The following GRXCR1 variants were observed in gnomAD, a reference collection of about 807,000 sequenced individuals.
GRXCR1 encodes the protein glutaredoxin and cysteine rich domain containing 1, also known as glutaredoxin domain-containing cysteine-rich protein 1.
Under a neutral mutation model 27.3 loss-of-function variants are expected in GRXCR1, and 27 were observed. The ratio of observed to expected loss-of-function variants is 0.99; its 90% CI spans 0.73 to 1.37. The LOEUF is 1.37. Among genes scored for constraint, GRXCR1 ranks in the 40% most tolerant of loss-of-function variants. GRXCR1 has a pLI of 0.00. For synonymous variants in GRXCR1, 122 were observed against 131.1 expected (o/e 0.93, Z 0.47); for missense variants, 379 against 354.4 (o/e 1.07, Z -0.56).
intron 2 of GRXCR1, among the ~76,000 whole-genome samples, chr4:42,985,885 C>A (rs184146965): frequency 4.6e-5 from 7 of 152,174 alleles, no homozygotes; most frequent in African/African-American, 1.7e-4. Context: ...TATAGCTTGA[C>A]TTGAAAAAAA....
chr4:43,015,933 T>C (rs1295110988), intron 2 of GRXCR1, among the ~76,000 whole-genome samples: 1 of 152,142 alleles, frequency 6.6e-6, no homozygotes, highest in East Asian at 1.9e-4. Flanking sequence ...TGATGTCCCA[T>C]GTGGAATTCC....
At chr4:42,917,614 C>A (rs1192813729) in intron 1 of GRXCR1, among the ~76,000 whole-genome samples, 1 of 152,010 alleles carries the variant, frequency 6.6e-6, no homozygotes, top group Non-Finnish European at 1.5e-5. Context: ...GGTGGCCAGT[C>A]AGGATGGAGG....
At chr4:43,021,404 T>TTTA (rs1577948665) in intron 3 of GRXCR1, among the ~76,000 whole-genome samples, 1 of 152,190 alleles carries the variant, frequency 6.6e-6, no homozygotes, top group East Asian at 1.9e-4. Flanking sequence ...TAAAAGTCTT[T>TTTA]TTTGTATTAC....
intron 2 of GRXCR1, among the ~76,000 whole-genome samples, chr4:42,995,920 G>A (rs115047648): frequency 1.1e-3 from 173 of 152,250 alleles, no homozygotes; most frequent in Non-Finnish European, 2.0e-3. Context: ...ACTTGCTCAG[G>A]ACTGATGTCA....
chr4:42,903,340 C>T (rs1166515458), intron 1 of GRXCR1, among the ~76,000 whole-genome samples: 7 of 90,588 alleles, frequency 7.7e-5, no homozygotes, highest in Middle Eastern at 0.013. Flanking sequence ...TTTTTTTAGA[C>T]GGAGTCTCTC....
At chr4:42,986,334 T>C (rs1711722510) in intron 2 of GRXCR1, among the ~76,000 whole-genome samples, 1 of 152,226 alleles carries the variant, frequency 6.6e-6, no homozygotes, top group Non-Finnish European at 1.5e-5. Context: ...GTGAGCTTTT[T>C]CTCTGAGTGT....
At position 43,000,540 on chromosome 4, in the gene GRXCR1, G is replaced by C. The variant is rs181838248; in HGVS notation, c.628-19814G>C. 1.1e-3 allele frequency among the ~76,000 whole-genome samples: 165 copies of C among 149,432 alleles called. 3 individuals carry two copies. The East Asian group carries it at 0.031, about 28-fold the overall frequency. On this transcript the variant is annotated intron_variant, in intron 2 of 3. Coordinates refer to ENST00000399770, the MANE Select transcript of GRXCR1 (RefSeq NM_001080476.3). Reference sequence around the variant, plus strand: ...ATGGTATAGCAGTGCTTATGGTCAAGTAATCCTTTTCTACTTCACAATGAC... The same window carrying C: ...ATGGTATAGCAGTGCTTATGGTCAACTAATCCTTTTCTACTTCACAATGAC...
chr4:42,897,670 T>G (rs1746374952), intron 1 of GRXCR1, among the ~76,000 whole-genome samples: 1 of 152,118 alleles, frequency 6.6e-6, no homozygotes, highest in Non-Finnish European at 1.5e-5. Flanking sequence ...AATATTTTGC[T>G]GCTAAGAACA....
At position 43,029,521 on chromosome 4, in the gene GRXCR1, A is replaced by C. The variant is rs536500755; in HGVS notation, c.694-840A>C. 7.9e-5 allele frequency among the ~76,000 whole-genome samples: 12 copies of C among 152,310 alleles called. No individual in the cohort carries two copies. In the South Asian group the frequency reaches 2.5e-3, roughly 32 times the overall value. ...CCCCTAAACTGATGGATGCCACTAG[A>C]GGACACCAGTAAAGGTTATATGCTC... is the stretch of plus-strand genomic sequence containing the variant. On this transcript the variant is annotated intron_variant, in intron 3 of 3. Transcript: ENST00000399770.
At chr4:42,911,273 T>C (rs1450910) in intron 1 of GRXCR1, among the ~76,000 whole-genome samples, 137,511 of 152,182 alleles carry the variant, frequency 0.9, 62,539 homozygotes, top group Non-Finnish European at 0.94. Flanking sequence ...AGCATGAATA[T>C]ATTTTGAAAG....
intron 1 of GRXCR1, among the ~76,000 whole-genome samples, chr4:42,925,250 G>C (rs1285530353): frequency 6.6e-6 from 1 of 151,958 alleles, no homozygotes; most frequent in East Asian, 1.9e-4. Context: ...GAAATTTAAT[G>C]GAGAGGAGAG....
intron 2 of GRXCR1, 152 bp downstream of exon 2, chr4:42,963,286 C>T: frequency 1.2e-6 from 1 of 853,606 alleles, no homozygotes; most frequent in Non-Finnish European, 2.0e-6. Context: ...TTATTTCTGT[C>T]CCAGACAATG....
intron 1 of GRXCR1, among the ~76,000 whole-genome samples, chr4:42,951,016 A>G (rs887284344): frequency 5.9e-5 from 9 of 152,190 alleles, no homozygotes; most frequent in African/African-American, 2.2e-4. Context: ...AAGAAGCCCT[A>G]CAACCTGTAG....
rs1417789639 is a variant in GRXCR1 at position 43,030,555 on chromosome 4, C to G, written c.*15C>G. 1 of 1,608,136 alleles carries G rather than the reference C, an allele frequency of 6.2e-7. No individual in the cohort carries two copies. The highest frequency in any genetic ancestry group is 1.1e-5 in the South Asian group (1 of 90,928). Reference sequence around the variant, plus strand: ...GTGCTGGTTAATTGGAGCTTCTACCCAGGAAAAACCTCATTTTATTAATCA... The same window carrying G: ...GTGCTGGTTAATTGGAGCTTCTACCGAGGAAAAACCTCATTTTATTAATCA... On this transcript the variant is annotated 3_prime_UTR_variant, in exon 4 of 4. Coordinates refer to ENST00000399770, the MANE Select transcript of GRXCR1 (RefSeq NM_001080476.3).
chr4:42,983,062 A>G (rs930174463), intron 2 of GRXCR1, among the ~76,000 whole-genome samples: 7 of 151,826 alleles, frequency 4.6e-5, no homozygotes, highest in African/African-American at 1.7e-4. Flanking sequence ...TAGTTTAATT[A>G]GATCCCATTT....
At chr4:43,019,895 T>C (rs974116991) in intron 2 of GRXCR1, among the ~76,000 whole-genome samples, 1 of 152,192 alleles carries the variant, frequency 6.6e-6, no homozygotes, top group Non-Finnish European at 1.5e-5. Flanking sequence ...GTCATTATCA[T>C]TATTGTTGCT....
At chr4:42,965,137 T>C (rs185700427) in intron 2 of GRXCR1, among the ~76,000 whole-genome samples, 1 of 152,138 alleles carries the variant, frequency 6.6e-6, no homozygotes, top group East Asian at 1.9e-4. Flanking sequence ...ATTTGCCCTA[T>C]AGTTTGAGGA....
chr4:42,956,737 A>G (rs1198988694), intron 1 of GRXCR1, among the ~76,000 whole-genome samples: 1 of 152,072 alleles, frequency 6.6e-6, no homozygotes, highest in Non-Finnish European at 1.5e-5. Flanking sequence ...GGACTACACA[A>G]CCCTGGGGGA....
At position 42,971,289 on chromosome 4, in the gene GRXCR1, C is replaced by T. The variant is rs567985535; in HGVS notation, c.627+8155C>T. Among the ~76,000 whole-genome samples, 32 of 152,228 alleles carry T rather than the reference C, an allele frequency of 2.1e-4. 1 individual carries two copies. In the South Asian group the frequency reaches 6.0e-3, roughly 29 times the overall value. ...CCCTCCAAACTGTTCCAAAGTCTGCCCATTACCCAGTTCCAAAGTACCTTC... is the reference window on the plus strand; with the variant it reads ...CCCTCCAAACTGTTCCAAAGTCTGCTCATTACCCAGTTCCAAAGTACCTTC... On this transcript the variant is annotated intron_variant, in intron 2 of 3. Coordinates refer to ENST00000399770, the MANE Select transcript of GRXCR1 (RefSeq NM_001080476.3).
Sources: allele counts gnomAD v4.1 joint callset (sites outside exome capture counted in the v4.1 genomes callset), GRCh38; gene constraint gnomAD v4.1.1; transcripts MANE v1.5; gene names NCBI Gene and HGNC (gene_info 2026-07-23, HGNC 2026-07-21).